The following CPNE5 variants were observed in gnomAD, a reference collection of about 807,000 sequenced individuals.
The protein encoded by CPNE5 is copine 5.
A neutral mutation model predicts 81.1 loss-of-function variants in CPNE5; 42 were observed. That is an observed-to-expected ratio of 0.52 (90% CI 0.40 to 0.67). CPNE5 has a LOEUF of 0.67. Ranked by LOEUF, CPNE5 falls within the 30% of genes least tolerant of loss-of-function variation. The probability of loss-of-function intolerance (pLI) is 0.00; values close to 1 mark genes in which losing one functional copy is unlikely to be tolerated. For synonymous variants in CPNE5, 313 were observed against 321.5 expected (o/e 0.97, Z 0.28); for missense variants, 612 against 815.5 (o/e 0.75, Z 3.04).
chr6:36,839,340 A>G lies in CPNE5; in HGVS notation c.38T>C (p.Phe13Ser). 1 of 1,553,824 alleles carries G rather than the reference A, an allele frequency of 6.4e-7. No individual in the cohort carries two copies. Among genetic ancestry groups the G allele is most frequent in the South Asian group, 1.2e-5 (1 of 84,112 alleles). ...CGGGATGCTGCCCGCCAAGGAGTCG[A>G]ACTCGCTCAGCGACGCCATGTCCTC... is the stretch of plus-strand genomic sequence containing the variant. ...QPEDMASLSE[F>S]DSLAGSIPAT... Residue 13 changes from phenylalanine to serine, a missense_variant, in exon 1 of 21, where the codon TTC (phenylalanine) becomes TCC (serine). Physicochemically the swap from Phe to Ser is radical, Grantham distance 155. Transcript: ENST00000244751. The surrounding 1 kb of genome is among the most constrained non-coding windows in gnomAD (Gnocchi z 7.3).
intron 3 of CPNE5, among the ~76,000 whole-genome samples, chr6:36,817,152 C>T (rs1771613856): frequency 6.6e-6 from 1 of 152,048 alleles, no homozygotes; most frequent in Non-Finnish European, 1.5e-5. Flanking sequence ...ATGGTGAAAC[C>T]CTGTCTCTAC....
chr6:36,762,804 C>T (rs1766179360), intron 12 of CPNE5, 113 bp downstream of exon 12: 4 of 832,512 alleles, frequency 4.8e-6, no homozygotes. Flanking sequence ...GACAATAACC[C>T]CTTTCTCACA....
At position 36,829,907 on chromosome 6, in the gene CPNE5, T is replaced by C. The variant is rs552988060; in HGVS notation, c.96-6809A>G. Among the ~76,000 whole-genome samples the C allele has an allele frequency of 4.3e-5, 6 of 141,172 alleles. No individual in the cohort carries two copies. The South Asian group carries it at 1.3e-3, about 32-fold the overall frequency. 92.6% of individuals were successfully genotyped at this position (141,172 alleles called of 152,430 possible). On this transcript the variant is annotated intron_variant, in intron 1 of 20. Coordinates refer to ENST00000244751, the MANE Select transcript of CPNE5 (RefSeq NM_020939.2). ...ATCCTGATGGTCCCACAGAGGCCCC[T>C]GAGGTACTGACCAGCGTCACCCCAT...
chr6:36,779,968 A>ATT (rs5875558), intron 8 of CPNE5, among the ~76,000 whole-genome samples: 5 of 139,306 alleles, frequency 3.6e-5, no homozygotes, highest in East Asian at 4.2e-4. Flanking sequence ...CCCCCTTCCT[A>ATT]TTTTTTTTTT....
rs1344440647 is a variant in CPNE5, at chr6:36,742,456, T to C, written c.1594A>G (p.Thr532Ala). Reference sequence around the variant, plus strand: ...GCCATGCTCAGCACGTGGTTGCCTGTGCGGTCCACGTAGTCCCGGAAGGGT... The same window carrying C: ...GCCATGCTCAGCACGTGGTTGCCTGCGCGGTCCACGTAGTCCCGGAAGGGT... ...FVPFRDYVDR[T>A]GNHVLSMARL... is the part of the protein sequence containing the mutation. The change falls in exon 21 of 21, where the codon ACA becomes GCA. Residue 532 changes from threonine to alanine, a missense_variant. Coordinates refer to ENST00000244751, the MANE Select transcript of CPNE5 (RefSeq NM_020939.2). 5 of 1,613,098 alleles carry C rather than the reference T, an allele frequency of 3.1e-6. No homozygotes were observed. The highest frequency in any genetic ancestry group is 4.2e-6 in the Non-Finnish European group (5 of 1,179,946).
At chr6:36,811,262 C>G (rs1771078752) in intron 3 of CPNE5, among the ~76,000 whole-genome samples, 1 of 152,146 alleles carries the variant, frequency 6.6e-6, no homozygotes, top group Non-Finnish European at 1.5e-5. Context: ...TGGGACTTGT[C>G]CCCCAGCTCA....
chr6:36,814,302 A>C (rs778278438), intron 3 of CPNE5, among the ~76,000 whole-genome samples: 12 of 152,246 alleles, frequency 7.9e-5, no homozygotes, highest in Non-Finnish European at 1.6e-4. Flanking sequence ...ACCCAGGACC[A>C]AGAGGCATAA....
At chr6:36,800,626 T>C (rs879863695) in intron 3 of CPNE5, among the ~76,000 whole-genome samples, 3 of 152,228 alleles carry the variant, frequency 2.0e-5, no homozygotes, top group Non-Finnish European at 4.4e-5. Context: ...ATTCATGCCC[T>C]TGCATAATCA....
At chr6:36,782,119 T>C (rs1768081648) in intron 8 of CPNE5, among the ~76,000 whole-genome samples, 1 of 152,144 alleles carries the variant, frequency 6.6e-6, no homozygotes, top group African/African-American at 2.4e-5. Flanking sequence ...TGGGGAGCAG[T>C]GGCACTCAGG....
At chr6:36,754,245 A>G (rs1209056083) in intron 13 of CPNE5, 9 of 148,880 alleles carry the variant, frequency 6.0e-5, no homozygotes, top group Non-Finnish European at 1.2e-4. Context: ...CTCTTCACGT[A>G]AGTCTAATCT....
In CPNE5 at chr6:36,798,444, G is replaced by A. The variant is rs1320021403; in HGVS notation, c.327+11C>T. The A allele has an allele frequency of 1.9e-6, 3 of 1,613,312 alleles. No individual in the cohort carries two copies. The highest frequency in any genetic ancestry group is 1.1e-5 in the South Asian group (1 of 91,056). On this transcript the variant is annotated intron_variant, in intron 5 of 20. Transcript: ENST00000244751. Reference sequence around the variant, plus strand: ...CTATGGAATTGCTGAGCAGTTACTGGCAGAACTCACGTGTTTGGATAAATC... The same window carrying A: ...CTATGGAATTGCTGAGCAGTTACTGACAGAACTCACGTGTTTGGATAAATC...
intron 12 of CPNE5, among the ~76,000 whole-genome samples, 194 bp from the exon 13 acceptor site, chr6:36,756,492 T>C (rs1239430618): frequency 6.6e-6 from 1 of 152,140 alleles, no homozygotes; most frequent in African/African-American, 2.4e-5. Context: ...GTTACACAAC[T>C]GGGTTCTCCC....
chr6:36,826,562 C>T (rs781202395), intron 1 of CPNE5, among the ~76,000 whole-genome samples: 6 of 152,196 alleles, frequency 3.9e-5, no homozygotes, highest in East Asian at 3.8e-4. Context: ...ACTCTGTACA[C>T]GATCGGTTGC....
In CPNE5 at chr6:36,803,246, G is replaced by A. The variant is rs565620164; in HGVS notation, c.184-3176C>T. On this transcript the variant is annotated intron_variant, in intron 3 of 20. Coordinates refer to ENST00000244751, the MANE Select transcript of CPNE5 (RefSeq NM_020939.2). ...CTCACCTTGTCACCTCGACTACCAC[G>A]GCAACCTCCTAAGGGGCCCCCAGTA... is the stretch of plus-strand genomic sequence containing the variant. 5.1e-4 allele frequency among the ~76,000 whole-genome samples: 77 copies of A among 152,150 alleles called. No individual in the cohort carries two copies. In the South Asian group the frequency reaches 0.016, roughly 31 times the overall value.
chr6:36,830,117 G>T (rs1211176358), intron 1 of CPNE5, among the ~76,000 whole-genome samples: 3 of 152,212 alleles, frequency 2.0e-5, no homozygotes, highest in African/African-American at 7.2e-5. Context: ...CACAGAGGCT[G>T]AGCGATGTGC....
At chr6:36,761,903 T>C (rs1367992205) in intron 12 of CPNE5, among the ~76,000 whole-genome samples, 1 of 151,948 alleles carries the variant, frequency 6.6e-6, no homozygotes. Context: ...TGGGAAGACC[T>C]CACAGAGGAG....
intron 8 of CPNE5, among the ~76,000 whole-genome samples, chr6:36,790,794 C>T (rs1769022630): frequency 1.3e-5 from 2 of 152,126 alleles, no homozygotes; most frequent in Admixed American, 6.5e-5. Flanking sequence ...CCGCCCGCCT[C>T]GGCCTCCCAA....
rs1468827488 is a variant in CPNE5, at chr6:36,839,394, C to T, written c.-17G>A. The T allele has an allele frequency of 2.6e-6, 4 of 1,535,940 alleles. No homozygotes were observed. Among genetic ancestry groups the T allele is most frequent in the Non-Finnish European group, 3.5e-6 (4 of 1,137,214 alleles). ...CTGCTCCATCGCCCACCGCACCCCC[C>T]ACCCCAAATTAGTCAATCCCTGCGC... On this transcript the variant is annotated 5_prime_UTR_variant, in exon 1 of 21. Coordinates refer to ENST00000244751, the MANE Select transcript of CPNE5 (RefSeq NM_020939.2). The surrounding 1 kb of genome is among the most constrained non-coding windows in gnomAD (Gnocchi z 7.3).
intron 12 of CPNE5, among the ~76,000 whole-genome samples, chr6:36,762,296 ACATACATG>A (rs1192786909): frequency 7.1e-6 from 1 of 140,928 alleles, no homozygotes; most frequent in Non-Finnish European, 1.5e-5. Flanking sequence ...GCGCACACAC[ACATACATG>A]CACACACACA....
Sources: allele counts gnomAD v4.1 joint callset (sites outside exome capture counted in the v4.1 genomes callset), GRCh38; gene constraint gnomAD v4.1.1; non-coding constraint Gnocchi (gnomAD v3.1); transcripts MANE v1.5; gene names NCBI Gene and HGNC (gene_info 2026-07-23, HGNC 2026-07-21).